CYB5B: variants seen among roughly 807,000 people sequenced by gnomAD.
CYB5B encodes the protein cytochrome b5 type B.
Under a neutral mutation model 21.3 loss-of-function variants are expected in CYB5B, and 14 were observed. That is an observed-to-expected ratio of 0.66 (90% confidence interval 0.43 to 1.03). CYB5B has a LOEUF of 1.03. CYB5B is among the 50% of genes least tolerant of loss of function. The pLI, the probability that CYB5B is intolerant of heterozygous loss-of-function variation, is 0.00. For synonymous variants in CYB5B, 69 were observed against 68.4 expected, an observed-to-expected ratio of 1.01 and a Z score of -0.04; for missense variants, 166 against 185.1, an observed-to-expected ratio of 0.90 and a Z score of 0.60.
At chr16:69,442,479 C>T (rs375839026) in intron 1 of CYB5B, among the ~76,000 whole-genome samples, 7 of 151,980 alleles carry the variant, frequency 4.6e-5, no homozygotes, top group African/African-American at 1.2e-4. Context: ...GCATGCTCAG[C>T]GGCTCATATA....
chr16:69,449,367 G>A (rs937527895), intron 3 of CYB5B: 5 of 152,112 alleles, frequency 3.3e-5, no homozygotes, highest in Non-Finnish European at 7.3e-5. Flanking sequence ...GGTAAAATTT[G>A]AACGAAGCGT....
Position 69,426,533 on chromosome 16 carries a change from C to T in CYB5B, c.174+1676C>T, listed in dbSNP as rs569882263. On this transcript the variant is annotated intron_variant, in intron 1 of 4. Transcript: ENST00000307892. ...CAGCCTGACCAACATGGTGAAACCC[C>T]GACTCTACTAAAAATACAAAAATTA... is the stretch of plus-strand genomic sequence containing the variant. Among the ~76,000 whole-genome samples, 14 of 151,082 alleles carry T rather than the reference C, an allele frequency of 9.3e-5. No homozygotes were observed. In the East Asian group the frequency reaches 2.7e-3, roughly 29 times the overall value.
intron 3 of CYB5B, among the ~76,000 whole-genome samples, chr16:69,456,115 G>A (rs563890036): frequency 1.3e-5 from 2 of 152,050 alleles, no homozygotes; most frequent in South Asian, 4.2e-4. Context: ...TAAAAAGTCC[G>A]TCTTTTGTGT....
chr16:69,431,218 A>G (rs2014702438), intron 1 of CYB5B, among the ~76,000 whole-genome samples: 1 of 150,692 alleles, frequency 6.6e-6, no homozygotes, highest in Non-Finnish European at 1.5e-5. Context: ...CGAACTCCTG[A>G]CCTCAAGTGA....
intron 1 of CYB5B, among the ~76,000 whole-genome samples, chr16:69,441,147 TTC>T (rs71151108): frequency 1.4e-5 from 2 of 145,344 alleles, no homozygotes; most frequent in African/African-American, 2.6e-5. Flanking sequence ...CCAGTTTTAC[TTC>T]TCTCTTTTTT....
chr16:69,455,400 CT>C (rs67183796), intron 3 of CYB5B, among the ~76,000 whole-genome samples: 27,604 of 122,884 alleles, frequency 0.22, 2,900 homozygotes, highest in African/African-American at 0.37. Context: ...TTGTTGTTCT[CT>C]TTTTTTTTTT....
chr16:69,439,297 G>A (rs190949100), intron 1 of CYB5B, among the ~76,000 whole-genome samples: 29 of 152,122 alleles, frequency 1.9e-4, no homozygotes, highest in Admixed American at 1.7e-3. Context: ...TGCAACCTCC[G>A]CCTCCTGGGT....
rs1417144462 is a variant in CYB5B, at chr16:69,463,932, A to ATAG, written c.*1415_*1417dup. The stretch of plus-strand genomic sequence containing the variant: ...CCCATGGAAGCACTTGAGGAAATAA[A>ATAG]TAGTACACTGGCTGTTTTCTGCCAG... On this transcript the variant is annotated 3_prime_UTR_variant, in exon 5 of 5. Coordinates refer to ENST00000307892, the MANE Select transcript of CYB5B (RefSeq NM_030579.3). The ATAG allele has an allele frequency of 6.6e-6, 1 of 152,226 alleles. No homozygotes were observed. Among genetic ancestry groups the ATAG allele is most frequent in the Admixed American group, 6.5e-5 (1 of 15,282 alleles). 9.4% of individuals were successfully genotyped at this position (152,226 alleles called of 1,614,324 possible).
intron 4 of CYB5B, among the ~76,000 whole-genome samples, chr16:69,461,103 G>T (rs972939485): frequency 1.3e-5 from 2 of 152,034 alleles, no homozygotes; most frequent in Non-Finnish European, 2.9e-5. Flanking sequence ...ACGAGGACGG[G>T]CTGAGACAGA....
At chr16:69,460,681 T>C (rs554487184) in intron 4 of CYB5B, among the ~76,000 whole-genome samples, 53 of 152,288 alleles carry the variant, frequency 3.5e-4, no homozygotes, top group African/African-American at 1.2e-3. Flanking sequence ...ATATACTTGA[T>C]AGAAATGTGT....
intron 1 of CYB5B, among the ~76,000 whole-genome samples, chr16:69,426,046 A>G (rs1262341337): frequency 6.6e-6 from 1 of 152,240 alleles, no homozygotes; most frequent in Non-Finnish European, 1.5e-5. Context: ...CAATAATTTA[A>G]CAAACTCAGA....
rs1383965220 is a variant in CYB5B, at chr16:69,465,552, G to A, written c.*3032G>A. 2 of 152,228 alleles carry A rather than the reference G, an allele frequency of 1.3e-5. No individual in the cohort carries two copies. Among genetic ancestry groups the A allele is most frequent in the African/African-American group, 4.8e-5 (2 of 41,468 alleles). 9.4% of individuals were successfully genotyped at this position (152,228 alleles called of 1,614,324 possible). A position where few individuals can be genotyped will look rare whatever the true frequency, so the allele number is the denominator to read the frequency against. On this transcript the variant is annotated 3_prime_UTR_variant, in exon 5 of 5. Transcript: ENST00000307892. ...TTGAGCCTGTAAAGTTGTTTTAGCA[G>A]TTGTCATAAATGCATATGTTGTGAA...
chr16:69,426,115 TC>T (rs896732174), intron 1 of CYB5B, among the ~76,000 whole-genome samples: 85 of 152,282 alleles, frequency 5.6e-4, no homozygotes, highest in African/African-American at 2.0e-3. Context: ...AAAAGTGCTT[TC>T]CGGTCGGGCG....
In CYB5B at chr16:69,463,426, G is replaced by A. The variant is rs376462587; in HGVS notation, c.*906G>A. On this transcript the variant is annotated 3_prime_UTR_variant, in exon 5 of 5. Transcript: ENST00000307892. ...AAACTGGTGTTTTCTAAAGAAACAG[G>A]ATAGGAGTTTAGAGAAGGCACCAAA... 8 of 152,208 alleles carry A rather than the reference G, an allele frequency of 5.3e-5. No homozygotes were observed. The highest frequency in any genetic ancestry group is 1.9e-4 in the African/African-American group (8 of 41,528). The allele number at this position is 152,208 out of a possible 1,614,324, so 9.4% of individuals were successfully genotyped here. A position where few individuals can be genotyped will look rare whatever the true frequency, so the allele number is the denominator to read the frequency against.
chr16:69,441,911 A>C (rs2014827051), intron 1 of CYB5B, among the ~76,000 whole-genome samples: 1 of 152,150 alleles, frequency 6.6e-6, no homozygotes, highest in Non-Finnish European at 1.5e-5. Context: ...AAATATATAG[A>C]AGGTTTGCTA....
intron 1 of CYB5B, among the ~76,000 whole-genome samples, chr16:69,446,418 G>A (rs2014879000): frequency 1.3e-5 from 2 of 152,138 alleles, no homozygotes. Context: ...CCCCCTCACA[G>A]GTTTAAGTGA....
chr16:69,442,791 G>A (rs939793780), intron 1 of CYB5B, among the ~76,000 whole-genome samples: 14 of 150,610 alleles, frequency 9.3e-5, no homozygotes, highest in Non-Finnish European at 1.6e-4. Context: ...CAAAGTGTTG[G>A]GAATACAGGT....
chr16:69,436,376 G>A (rs373476002), intron 1 of CYB5B, among the ~76,000 whole-genome samples: 18 of 152,226 alleles, frequency 1.2e-4, no homozygotes, highest in African/African-American at 4.3e-4. Context: ...GGATAAGGAT[G>A]TCAAGTTATG....
At chr16:69,454,068 C>G (rs966632715) in intron 3 of CYB5B, among the ~76,000 whole-genome samples, 1 of 152,142 alleles carries the variant, frequency 6.6e-6, no homozygotes, top group Non-Finnish European at 1.5e-5. Flanking sequence ...AGGAAACATT[C>G]TTTTCAAATC....
Sources: gnomAD v4.1 joint callset for allele counts (sites outside exome capture counted in the v4.1 genomes callset) on GRCh38, gnomAD v4.1.1 for gene constraint, MANE v1.5 for transcripts, NCBI Gene and HGNC (gene_info 2026-07-23, HGNC 2026-07-21) for gene names.